The following GRM7 variants were observed in gnomAD, a reference collection of about 807,000 sequenced individuals.
The protein encoded by GRM7 is glutamate metabotropic receptor 7, also known as metabotropic glutamate receptor 7.
Under a neutral mutation model 84.5 loss-of-function variants are expected in GRM7, and 35 were observed. The ratio of observed to expected loss-of-function variants is 0.41; its 90% CI spans 0.32 to 0.55. The LOEUF is 0.55. Among genes scored for constraint, GRM7 ranks in the 20% least tolerant of loss-of-function variants. The pLI, the probability that GRM7 is intolerant of heterozygous loss-of-function variation, is 0.19. For missense variants in GRM7, 1,003 were observed against 1,194.6 expected, an observed-to-expected ratio of 0.84 and a Z score of 2.36; for synonymous variants, 487 against 455.1, an observed-to-expected ratio of 1.07 and a Z score of -0.89.
intron 1 of GRM7, among the ~76,000 whole-genome samples, chr3:7,048,985 G>C (rs901004010): frequency 5.9e-5 from 9 of 151,866 alleles, no homozygotes; most frequent in Non-Finnish European, 8.8e-5. Context: ...AGCATTTCTA[G>C]AAGTTACATA....
intron 7 of GRM7, among the ~76,000 whole-genome samples, chr3:7,529,588 T>G (rs1205162447): frequency 1.3e-5 from 2 of 152,152 alleles, no homozygotes; most frequent in Non-Finnish European, 2.9e-5. Context: ...CATGGCTTTT[T>G]CATAGGCTCT....
intron 1 of GRM7, among the ~76,000 whole-genome samples, chr3:7,104,551 T>G (rs1410686617): frequency 6.6e-6 from 1 of 151,838 alleles, no homozygotes; most frequent in Non-Finnish European, 1.5e-5. Flanking sequence ...TCTTGGTGAC[T>G]TCACATCATA....
intron 2 of GRM7, among the ~76,000 whole-genome samples, chr3:7,297,104 T>A (rs1019350925): frequency 6.6e-6 from 1 of 151,962 alleles, no homozygotes; most frequent in Non-Finnish European, 1.5e-5. Flanking sequence ...TGATTTTAGA[T>A]GTTTCTTCTT....
At chr3:6,959,852 T>C (rs998519602) in intron 1 of GRM7, among the ~76,000 whole-genome samples, 1 of 152,126 alleles carries the variant, frequency 6.6e-6, no homozygotes, top group African/African-American at 2.4e-5. Flanking sequence ...GGAGGTTAGT[T>C]TTTTTCACAC....
At chr3:7,612,780 T>A (rs567334631) in intron 8 of GRM7, among the ~76,000 whole-genome samples, 5 of 152,184 alleles carry the variant, frequency 3.3e-5, no homozygotes, top group Admixed American at 3.3e-4. Flanking sequence ...AAAAAGTGAT[T>A]TGGGCACCAA....
At chr3:7,580,760 T>A (rs759729906) in intron 8 of GRM7, among the ~76,000 whole-genome samples, 31 of 152,186 alleles carry the variant, frequency 2.0e-4, no homozygotes, top group Non-Finnish European at 4.6e-4. Context: ...AAGCATAGCA[T>A]GTTTCAATTT....
intron 2 of GRM7, among the ~76,000 whole-genome samples, chr3:7,211,860 GCCAC>G (rs933568026): frequency 1.3e-5 from 2 of 151,958 alleles, no homozygotes; most frequent in Non-Finnish European, 2.9e-5. Context: ...ACCAATCTCA[GCCAC>G]CTTCATTAAA....
rs536614969 is a variant in GRM7 at position 7,174,301 on chromosome 3, G to A, written c.736+27633G>A. Among the ~76,000 whole-genome samples, 5 of 152,258 alleles carry A rather than the reference G, an allele frequency of 3.3e-5. No individual in the cohort carries two copies. The East Asian group carries it at 7.7e-4, about 23-fold the overall frequency. Reference sequence around the variant, plus strand: ...CTCAGATAAAACTGGAGAGCCTAGAGTGATACTTTTATTCTGTAAAGAAAA... The same window carrying A: ...CTCAGATAAAACTGGAGAGCCTAGAATGATACTTTTATTCTGTAAAGAAAA... On this transcript the variant is annotated intron_variant, in intron 2 of 9. Transcript: ENST00000357716.
At chr3:7,548,229 G>A (rs1693266951) in intron 7 of GRM7, among the ~76,000 whole-genome samples, 1 of 152,212 alleles carries the variant, frequency 6.6e-6, no homozygotes, top group South Asian at 2.1e-4. Context: ...GTGAATGTCA[G>A]CTCTATTAGG....
chr3:7,690,049 GC>G (rs1419961861), intron 9 of GRM7, among the ~76,000 whole-genome samples: 1 of 152,156 alleles, frequency 6.6e-6, no homozygotes, highest in African/African-American at 2.4e-5. Context: ...AGGGCTCCAG[GC>G]AGCCATAAAC....
Position 7,074,512 on chromosome 3 carries a change from T to C in GRM7, c.520-71940T>C, listed in dbSNP as rs974308958. 2.0e-5 allele frequency among the ~76,000 whole-genome samples: 3 copies of C among 152,150 alleles called. No individual in the cohort carries two copies. In the East Asian group the frequency reaches 5.8e-4, roughly 29 times the overall value. Reference sequence around the variant, plus strand: ...TTTATGTTACTGTTCTGCGACATTATAAATACAAAATCTAAGAATTAGCCC... The same window carrying C: ...TTTATGTTACTGTTCTGCGACATTACAAATACAAAATCTAAGAATTAGCCC... On this transcript the variant is annotated intron_variant, in intron 1 of 9. Transcript: ENST00000357716.
At position 7,486,082 on chromosome 3, in the gene GRM7, A is replaced by G. The variant is rs894139876; in HGVS notation, c.1515+24360A>G. ...TGAGATAAACTTTAAAGTTCTTCAA[A>G]GAGTCAAAGGATGAGATAAAATATG... On this transcript the variant is annotated intron_variant, in intron 7 of 9. Transcript: ENST00000357716. The surrounding 1 kb of genome is among the most constrained non-coding windows in gnomAD (Gnocchi z 5.5). Among the ~76,000 whole-genome samples, 5 of 152,344 alleles carry G rather than the reference A, an allele frequency of 3.3e-5. No individual in the cohort carries two copies. The highest frequency in any genetic ancestry group is 1.2e-4 in the African/African-American group (5 of 41,576).
intron 1 of GRM7, among the ~76,000 whole-genome samples, chr3:7,073,365 A>G (rs1697952220): frequency 6.6e-6 from 1 of 152,098 alleles, no homozygotes; most frequent in South Asian, 2.1e-4. Flanking sequence ...AATGGTTCAC[A>G]TACTCCCTGA....
chr3:7,386,739 G>A (rs1451202591), intron 4 of GRM7, among the ~76,000 whole-genome samples: 1 of 152,044 alleles, frequency 6.6e-6, no homozygotes, highest in South Asian at 2.1e-4. Flanking sequence ...TTCAAGTGCG[G>A]GTGTCTTTTG....
chr3:7,640,227 C>T (rs1698305378), intron 8 of GRM7, among the ~76,000 whole-genome samples: 1 of 152,102 alleles, frequency 6.6e-6, no homozygotes, highest in Non-Finnish European at 1.5e-5. Context: ...ATGACTTCAG[C>T]TAGAAAGATC....
intron 7 of GRM7, among the ~76,000 whole-genome samples, chr3:7,577,610 G>A (rs192390107): frequency 1.3e-5 from 2 of 152,204 alleles, no homozygotes; most frequent in East Asian, 3.9e-4. Context: ...AACACTGCTG[G>A]GTATGTTCCC....
intron 1 of GRM7, among the ~76,000 whole-genome samples, chr3:7,086,029 G>T (rs1001802130): frequency 7.1e-6 from 1 of 140,192 alleles, no homozygotes; most frequent in Non-Finnish European, 1.5e-5. Context: ...GTTCTTTCCT[G>T]GTTTAAAATT....
At chr3:6,942,488 C>G (rs1214641530) in intron 1 of GRM7, among the ~76,000 whole-genome samples, 1 of 152,086 alleles carries the variant, frequency 6.6e-6, no homozygotes, top group Non-Finnish European at 1.5e-5. Context: ...AAAGAGCTCA[C>G]ATAGTCACTA....
rs1203612842 is a variant in GRM7, at chr3:6,862,341, A to C, written c.519+434A>C. On this transcript the variant is annotated intron_variant, in intron 1 of 9. Coordinates refer to ENST00000357716, the MANE Select transcript of GRM7 (RefSeq NM_000844.4). The surrounding 1 kb of genome is among the most constrained non-coding windows in gnomAD (Gnocchi z 5.2). Reference sequence around the variant, plus strand: ...CCCAACTCCCCAGCTTCCCACCCCCAAGCCAGCCTGCCAACCTGCACTCCC... The same window carrying C: ...CCCAACTCCCCAGCTTCCCACCCCCCAGCCAGCCTGCCAACCTGCACTCCC... 2.6e-5 allele frequency among the ~76,000 whole-genome samples: 4 copies of C among 151,964 alleles called. No homozygotes were observed. Among genetic ancestry groups the C allele is most frequent in the Admixed American group, 6.6e-5 (1 of 15,266 alleles).
Sources: allele counts gnomAD v4.1 joint callset (sites outside exome capture counted in the v4.1 genomes callset), GRCh38; gene constraint gnomAD v4.1.1; non-coding constraint Gnocchi (gnomAD v3.1); transcripts MANE v1.5; gene names NCBI Gene and HGNC (gene_info 2026-07-23, HGNC 2026-07-21).